EIF4E: variants seen among roughly 807,000 people sequenced by gnomAD.
EIF4E encodes the protein eukaryotic translation initiation factor 4E.
For synonymous variants in EIF4E, 71 were observed against 88.5 expected (o/e 0.80, Z 1.11); for missense variants, 113 against 265.6 (o/e 0.43, Z 3.99).
chr4:98,918,360 GAA>G (rs528302113), intron 1 of EIF4E, among the ~76,000 whole-genome samples: 1 of 99,946 alleles, frequency 1.0e-5, no homozygotes, highest in Admixed American at 1.2e-4. Context: ...CTCCGTCTTG[GAA>G]AAAAAAAAAA....
chr4:98,913,973 T>C (rs1725259675), intron 1 of EIF4E, among the ~76,000 whole-genome samples: 1 of 151,954 alleles, frequency 6.6e-6, no homozygotes, highest in Non-Finnish European at 1.5e-5. Flanking sequence ...GCGTTTATGA[T>C]GTAAGCACTA....
intron 1 of EIF4E, among the ~76,000 whole-genome samples, chr4:98,906,402 T>G (rs1037521006): frequency 6.6e-6 from 1 of 152,206 alleles, no homozygotes; most frequent in African/African-American, 2.4e-5. Flanking sequence ...AAGTAAACAC[T>G]TTGAAAATCT....
At chr4:98,906,983 G>A (rs1054000201) in intron 1 of EIF4E, among the ~76,000 whole-genome samples, 4 of 152,136 alleles carry the variant, frequency 2.6e-5, no homozygotes, top group African/African-American at 9.7e-5. Flanking sequence ...TCTGATACAT[G>A]GGAAATGCAA....
At position 98,884,913 on chromosome 4, in the gene EIF4E, A is replaced by G; in HGVS notation, c.539+9T>C. On this transcript the variant is annotated intron_variant, in intron 6 of 6. Coordinates refer to ENST00000450253, the MANE Select transcript of EIF4E (RefSeq NM_001968.5). ...ACTGTAAAATAAGTAGGCAAAGAGC[A>G]AAACTTACCCTATATGTGTAACAGC... 4.3e-6 allele frequency: 7 copies of G among 1,612,116 alleles called. No homozygotes were observed. The highest frequency in any genetic ancestry group is 5.9e-6 in the Non-Finnish European group (7 of 1,179,730).
At chr4:98,885,233 T>C (rs1048533592) in intron 5 of EIF4E, among the ~76,000 whole-genome samples, 172 bp from the exon 6 acceptor site, 1 of 152,260 alleles carries the variant, frequency 6.6e-6, no homozygotes, top group Admixed American at 6.5e-5. Context: ...TTTTAAATAC[T>C]CATTCATTTA....
chr4:98,924,367 G>A (rs372815061), intron 1 of EIF4E, among the ~76,000 whole-genome samples: 1 of 151,812 alleles, frequency 6.6e-6, no homozygotes, highest in Admixed American at 6.6e-5. Context: ...ATGAGCCACC[G>A]CACCCGGCCC....
At chr4:98,928,191 T>A (rs1035826344) in intron 1 of EIF4E, among the ~76,000 whole-genome samples, 6 of 152,096 alleles carry the variant, frequency 3.9e-5, no homozygotes, top group Non-Finnish European at 5.9e-5. Flanking sequence ...GCGGAAAGGA[T>A]GAATGAATGG....
At chr4:98,910,920 G>A (rs760002859) in intron 1 of EIF4E, among the ~76,000 whole-genome samples, 13 of 151,916 alleles carry the variant, frequency 8.6e-5, no homozygotes, top group Non-Finnish European at 1.8e-4. Context: ...AAGTAGAGAC[G>A]AGGTTTCACC....
At chr4:98,924,558 C>G (rs1725789724) in intron 1 of EIF4E, among the ~76,000 whole-genome samples, 1 of 151,846 alleles carries the variant, frequency 6.6e-6, no homozygotes, top group Non-Finnish European at 1.5e-5. Flanking sequence ...TGCTCATTAA[C>G]TCAGATTATA....
At chr4:98,907,389 T>C (rs539757109) in intron 1 of EIF4E, among the ~76,000 whole-genome samples, 1 of 152,092 alleles carries the variant, frequency 6.6e-6, no homozygotes, top group African/African-American at 2.4e-5. Context: ...GCTGCAACTA[T>C]CTATTACCAA....
chr4:98,911,212 C>T (rs1254177208), intron 1 of EIF4E, among the ~76,000 whole-genome samples: 2 of 151,656 alleles, frequency 1.3e-5, no homozygotes, highest in Non-Finnish European at 2.9e-5. Flanking sequence ...CCACGCCCGG[C>T]TAATTTTTGT....
chr4:98,917,427 G>A (rs1029905975), intron 1 of EIF4E, among the ~76,000 whole-genome samples: 8 of 151,888 alleles, frequency 5.3e-5, no homozygotes, highest in Non-Finnish European at 1.2e-4. Flanking sequence ...CATGCCCACT[G>A]GTTTCCCGAA....
At chr4:98,925,285 T>C (rs942241171) in intron 1 of EIF4E, among the ~76,000 whole-genome samples, 2 of 152,116 alleles carry the variant, frequency 1.3e-5, no homozygotes, top group Non-Finnish European at 2.9e-5. Context: ...GAAATCAAAA[T>C]TAATCTCTTA....
intron 1 of EIF4E, among the ~76,000 whole-genome samples, chr4:98,909,171 A>G (rs1050108283): frequency 6.6e-6 from 1 of 152,188 alleles, no homozygotes; most frequent in Non-Finnish European, 1.5e-5. Flanking sequence ...ACCAGGAAAA[A>G]AAGCAACTAT....
chr4:98,883,104 G>A (rs1415799651), intron 6 of EIF4E, among the ~76,000 whole-genome samples: 1 of 151,984 alleles, frequency 6.6e-6, no homozygotes, highest in African/African-American at 2.4e-5. Flanking sequence ...TGGCCAACAT[G>A]GCGAAACCCT....
chr4:98,913,392 G>A (rs917889134), intron 1 of EIF4E, among the ~76,000 whole-genome samples: 2 of 152,004 alleles, frequency 1.3e-5, no homozygotes, highest in African/African-American at 4.8e-5. Context: ...GTGCAGGGGT[G>A]CAATCACAGC....
chr4:98,888,090 T>C, intron 3 of EIF4E, 138 bp from the exon 4 acceptor site: 1 of 742,374 alleles, frequency 1.3e-6, no homozygotes, highest in Non-Finnish European at 2.2e-6. Flanking sequence ...AGGAGTCAAT[T>C]TCTAAAATGG....
At chr4:98,914,792 G>T (rs796425251) in intron 1 of EIF4E, among the ~76,000 whole-genome samples, 1 of 152,068 alleles carries the variant, frequency 6.6e-6, no homozygotes, top group Non-Finnish European at 1.5e-5. Context: ...TGACAATAAC[G>T]TCAATTTAGG....
At chr4:98,908,781 C>T (rs1343416770) in intron 1 of EIF4E, among the ~76,000 whole-genome samples, 3 of 152,106 alleles carry the variant, frequency 2.0e-5, no homozygotes, top group African/African-American at 7.2e-5. Flanking sequence ...TTCATAATCC[C>T]GTGAAACAAC....
Sources: gnomAD v4.1 joint callset for allele counts (sites outside exome capture counted in the v4.1 genomes callset) on GRCh38, gnomAD v4.1.1 for gene constraint, MANE v1.5 for transcripts, NCBI Gene and HGNC (gene_info 2026-07-23, HGNC 2026-07-21) for gene names.